PRR16: variants seen among roughly 807,000 people sequenced by gnomAD.
PRR16 encodes proline rich 16, also known as protein Largen.
In PRR16, 6 loss-of-function variants were observed where a neutral mutation model predicts 18.2. That is an observed-to-expected ratio of 0.33 (90% confidence interval 0.18 to 0.65). The LOEUF (loss-of-function observed/expected upper bound fraction) is 0.65. Ranked by LOEUF, PRR16 falls within the 30% of genes least tolerant of loss-of-function variation. PRR16 has a pLI of 0.74. For missense variants in PRR16, 412 were observed against 376.6 expected, an observed-to-expected ratio of 1.09 and a Z score of -0.78; for synonymous variants, 151 against 147.8, an observed-to-expected ratio of 1.02 and a Z score of -0.16.
the PRR16 span, among the ~76,000 whole-genome samples, chr5:120,746,637 C>T: frequency 2.0e-5 from 3 of 152,078 alleles, no homozygotes; most frequent in Admixed American, 1.3e-4. Context: ...AAAACAATAG[C>T]TGCCCAGGTC....
At chr5:120,586,122 G>A (rs1330647094) in intron 1 of PRR16, among the ~76,000 whole-genome samples, 3 of 151,234 alleles carry the variant, frequency 2.0e-5, no homozygotes, top group African/African-American at 4.9e-5. Flanking sequence ...GCAGTGAGCT[G>A]AGATTGTGCC....
At chr5:120,658,700 A>G (rs1305639515) in intron 1 of PRR16, among the ~76,000 whole-genome samples, 4 of 151,936 alleles carry the variant, frequency 2.6e-5, no homozygotes, top group Non-Finnish European at 5.9e-5. Flanking sequence ...TATATAAGGA[A>G]CTCCAATAAT....
chr5:120,582,473 A>C (rs1363655745), intron 1 of PRR16, among the ~76,000 whole-genome samples: 1 of 152,002 alleles, frequency 6.6e-6, no homozygotes, highest in Non-Finnish European at 1.5e-5. Context: ...AAATTTATAT[A>C]CTCTTATTTT....
chr5:120,663,777 A>T (rs777998529), intron 1 of PRR16, among the ~76,000 whole-genome samples: 11 of 152,138 alleles, frequency 7.2e-5, no homozygotes, highest in Non-Finnish European at 1.5e-4. Flanking sequence ...GTTGAGTCTA[A>T]GCTACCTCTC....
chr5:120,698,005 G>C, the PRR16 span, among the ~76,000 whole-genome samples: 1 of 152,140 alleles, frequency 6.6e-6, no homozygotes, highest in Non-Finnish European at 1.5e-5. Flanking sequence ...CAGGGGATGC[G>C]ATGGCTTGGC....
chr5:120,686,862 C>A lies in PRR16; in HGVS notation c.*153C>A. 2.0e-6 allele frequency: 1 copy of A among 509,444 alleles called. No individual in the cohort carries two copies. Among genetic ancestry groups the A allele is most frequent in the Non-Finnish European group, 3.2e-6 (1 of 312,398 alleles). The allele number at this position is 509,444 out of a possible 1,614,324, so 31.6% of individuals were successfully genotyped here. On this transcript the variant is annotated 3_prime_UTR_variant, in exon 2 of 2. Coordinates refer to ENST00000407149, the MANE Select transcript of PRR16 (RefSeq NM_001300783.2). ...AAAATCACCTGGTAAGTATGCAGCA[C>A]ATTGCTTATATCCTGGGTATGCATT...
chr5:120,793,752 T>C, the PRR16 span, among the ~76,000 whole-genome samples: 1 of 152,144 alleles, frequency 6.6e-6, no homozygotes, highest in Non-Finnish European at 1.5e-5. Context: ...ACAGGGATAC[T>C]TTCTGAAAAA....
chr5:120,748,838 G>T, the PRR16 span, among the ~76,000 whole-genome samples: 1 of 152,116 alleles, frequency 6.6e-6, no homozygotes, highest in African/African-American at 2.4e-5. Flanking sequence ...GGGACTATGA[G>T]AGCGTGCAGC....
chr5:120,586,546 A>G (rs1354859946), intron 1 of PRR16, among the ~76,000 whole-genome samples: 2 of 152,028 alleles, frequency 1.3e-5, no homozygotes, highest in Non-Finnish European at 2.9e-5. Flanking sequence ...TAATCCCTAC[A>G]ATAATAATAA....
chr5:120,539,832 AG>A (rs1031767970), intron 1 of PRR16, among the ~76,000 whole-genome samples: 86 of 151,722 alleles, frequency 5.7e-4, no homozygotes, highest in African/African-American at 2.0e-3. Flanking sequence ...TATGAATATT[AG>A]GTTTTTTTTT....
intron 1 of PRR16, among the ~76,000 whole-genome samples, chr5:120,643,210 C>A (rs1029007326): frequency 1.3e-5 from 2 of 151,498 alleles, no homozygotes; most frequent in Non-Finnish European, 2.9e-5. Flanking sequence ...AAACAAAACT[C>A]TATCACTGTC....
the PRR16 span, among the ~76,000 whole-genome samples, chr5:120,712,298 A>G: frequency 6.6e-6 from 1 of 152,148 alleles, no homozygotes; most frequent in Non-Finnish European, 1.5e-5. Flanking sequence ...CAATACTATT[A>G]ACTATGGTTT....
intron 1 of PRR16, among the ~76,000 whole-genome samples, chr5:120,588,385 C>A (rs1013022140): frequency 6.6e-6 from 1 of 152,134 alleles, no homozygotes; most frequent in African/African-American, 2.4e-5. Flanking sequence ...AGTCCATTCA[C>A]GTGGCAAATT....
chr5:120,602,730 G>T (rs1754023344), intron 1 of PRR16, among the ~76,000 whole-genome samples: 1 of 151,858 alleles, frequency 6.6e-6, no homozygotes, highest in African/African-American at 2.4e-5. Context: ...ATCATCAAAG[G>T]TATGTTCCTT....
At chr5:120,708,876 T>C in the PRR16 span, among the ~76,000 whole-genome samples, 144,329 of 152,010 alleles carry the variant, frequency 0.95, 68,854 homozygotes, top group East Asian at 1. Context: ...AATTGATCAT[T>C]TACAGATGAT....
At chr5:120,709,917 A>G in the PRR16 span, among the ~76,000 whole-genome samples, 15 of 152,196 alleles carry the variant, frequency 9.9e-5, no homozygotes, top group Non-Finnish European at 1.8e-4. Context: ...TATCTTGGAT[A>G]TTGTGAACTG....
At chr5:120,741,473 T>C in the PRR16 span, among the ~76,000 whole-genome samples, 23 of 152,368 alleles carry the variant, frequency 1.5e-4, no homozygotes, top group Admixed American at 1.3e-3. Flanking sequence ...TTTCAGTTAT[T>C]ACAAAGTTTT....
At chr5:120,766,537 T>A in the PRR16 span, among the ~76,000 whole-genome samples, 1 of 151,958 alleles carries the variant, frequency 6.6e-6, no homozygotes, top group Non-Finnish European at 1.5e-5. Context: ...TGGGTTATGT[T>A]TTCATTATCA....
At chr5:120,619,879 TAGA>T (rs1375338935) in intron 1 of PRR16, among the ~76,000 whole-genome samples, 1 of 152,078 alleles carries the variant, frequency 6.6e-6, no homozygotes. Context: ...CACAGTCAAG[TAGA>T]AGACTAAAAC....
Sources: gnomAD v4.1 joint callset for allele counts (sites outside exome capture counted in the v4.1 genomes callset) on GRCh38, gnomAD v4.1.1 for gene constraint, MANE v1.5 for transcripts, NCBI Gene and HGNC (gene_info 2026-07-23, HGNC 2026-07-21) for gene names.